The following PTK7 variants were observed in gnomAD, a reference collection of about 807,000 sequenced individuals.
PTK7 encodes protein tyrosine kinase 7 (inactive), also known as inactive tyrosine-protein kinase 7.
PTK7 carries 39 observed loss-of-function variants against 116.6 expected under a neutral mutation model. That is an observed-to-expected ratio of 0.33 (90% CI 0.26 to 0.44). The LOEUF (loss-of-function observed/expected upper bound fraction) is 0.44, where lower values mean the gene tolerates loss of function less well. Ranked by LOEUF, PTK7 falls within the 20% of genes least tolerant of loss-of-function variation. The pLI is 1.00. For synonymous variants in PTK7, 546 were observed against 563.6 expected, an observed-to-expected ratio of 0.97 and a Z score of 0.44; for missense variants, 1,169 against 1,425.6, an observed-to-expected ratio of 0.82 and a Z score of 2.90.
chr6:43,101,490 G>A (rs1187214690), intron 1 of PTK7, among the ~76,000 whole-genome samples: 1 of 151,044 alleles, frequency 6.6e-6, no homozygotes, highest in Admixed American at 6.6e-5. Context: ...AGGCAGAGCT[G>A]GCAGTGTGCT....
At chr6:43,151,728 G>A (rs1252981149) in intron 17 of PTK7, among the ~76,000 whole-genome samples, 1 of 147,720 alleles carries the variant, frequency 6.8e-6, no homozygotes, top group Non-Finnish European at 1.5e-5. Context: ...TAGTGGAGAC[G>A]GGGTTTGACC....
chr6:43,117,444 CAG>C (rs1233374458), intron 1 of PTK7, among the ~76,000 whole-genome samples: 1 of 152,096 alleles, frequency 6.6e-6, no homozygotes, highest in East Asian at 1.9e-4. Context: ...ATGTGGGTAA[CAG>C]GGAATTAATG....
At chr6:43,079,379 A>G (rs749159469) in intron 1 of PTK7, among the ~76,000 whole-genome samples, 1 of 151,866 alleles carries the variant, frequency 6.6e-6, no homozygotes, top group Non-Finnish European at 1.5e-5. Flanking sequence ...AGACAGGAGA[A>G]TGGCCTGAAC....
intron 1 of PTK7, among the ~76,000 whole-genome samples, chr6:43,118,867 C>T (rs894151104): frequency 6.7e-6 from 1 of 150,074 alleles, no homozygotes; most frequent in East Asian, 2.0e-4. Flanking sequence ...CTCCCGGGTT[C>T]AAGCCATCCT....
At chr6:43,097,376 TG>T (rs1276691889) in intron 1 of PTK7, among the ~76,000 whole-genome samples, 1 of 152,330 alleles carries the variant, frequency 6.6e-6, no homozygotes, top group Non-Finnish European at 1.5e-5. Flanking sequence ...CAAATATCCT[TG>T]TACCTGTCTT....
chr6:43,125,254 C>T (rs1164583446), intron 1 of PTK7, among the ~76,000 whole-genome samples: 1 of 152,236 alleles, frequency 6.6e-6, no homozygotes, highest in African/African-American at 2.4e-5. Flanking sequence ...GAGCTGACGT[C>T]AGGACAGAGG....
chr6:43,124,543 G>A (rs918263830), intron 1 of PTK7, among the ~76,000 whole-genome samples: 1 of 152,074 alleles, frequency 6.6e-6, no homozygotes, highest in African/African-American at 2.4e-5. Context: ...GGGCATGGTG[G>A]CACATGCTTG....
At chr6:43,125,205 A>G (rs1769217778) in intron 1 of PTK7, among the ~76,000 whole-genome samples, 1 of 152,312 alleles carries the variant, frequency 6.6e-6, no homozygotes, top group East Asian at 1.9e-4. Context: ...AGAAACATCT[A>G]AAGTCTGTCC....
chr6:43,087,955 G>A (rs1441375578), intron 1 of PTK7, among the ~76,000 whole-genome samples: 1 of 152,194 alleles, frequency 6.6e-6, no homozygotes, highest in African/African-American at 2.4e-5. Flanking sequence ...GACAGGGAAA[G>A]AAACTGAGGC....
intron 5 of PTK7, 195 bp from the exon 6 acceptor site, chr6:43,131,821 A>G: frequency 1.5e-6 from 1 of 685,548 alleles, no homozygotes; most frequent in Non-Finnish European, 2.5e-6. Context: ...GTTGGAACAC[A>G]CACCTGCACG....
At chr6:43,127,628 G>C (rs907518624) in intron 1 of PTK7, among the ~76,000 whole-genome samples, 2 of 152,152 alleles carry the variant, frequency 1.3e-5, no homozygotes, top group African/African-American at 4.8e-5. Context: ...GGATTTTCAG[G>C]GATAAAGAAC....
intron 7 of PTK7, among the ~76,000 whole-genome samples, chr6:43,135,673 C>T (rs895027037): frequency 7.9e-5 from 12 of 152,148 alleles, no homozygotes; most frequent in Admixed American, 1.3e-4. Flanking sequence ...GTTGAATAAA[C>T]GATGGTGAGA....
intron 1 of PTK7, among the ~76,000 whole-genome samples, chr6:43,123,890 T>A (rs1278244842): frequency 4.6e-5 from 7 of 152,152 alleles, no homozygotes; most frequent in Non-Finnish European, 7.4e-5. Flanking sequence ...CGTTAGCCCT[T>A]ACTCAGGTGG....
In PTK7 at chr6:43,076,965, C is replaced by A; in HGVS notation, c.79+398C>A. On this transcript the variant is annotated intron_variant, in intron 1 of 19. Coordinates refer to ENST00000230419, the MANE Select transcript of PTK7 (RefSeq NM_002821.5). The surrounding 1 kb of genome is among the most constrained non-coding windows in gnomAD (Gnocchi z 5.7). ...GATGGAGAAAAAGGAATTCCCCACC[C>A]CACCCGGCAGGGTCGGCCCAGGTAA... is the stretch of plus-strand genomic sequence containing the variant. 1.3e-6 allele frequency: 2 copies of A among 1,511,018 alleles called. No individual in the cohort carries two copies. Among genetic ancestry groups the A allele is most frequent in the South Asian group, 1.2e-5 (1 of 82,158 alleles). 93.6% of individuals were successfully genotyped at this position (1,511,018 alleles called of 1,614,324 possible). A position where few individuals can be genotyped will look rare whatever the true frequency, so the allele number is the denominator to read the frequency against.
chr6:43,093,094 T>A (rs559130057), intron 1 of PTK7, among the ~76,000 whole-genome samples: 2 of 151,918 alleles, frequency 1.3e-5, no homozygotes, highest in South Asian at 4.2e-4. Context: ...AGGCAAGAGA[T>A]GTTTACAAGA....
intron 1 of PTK7, among the ~76,000 whole-genome samples, chr6:43,116,651 T>TGTGCGCGCGCGCGCGCGC (rs1323606377): frequency 1.6e-4 from 12 of 77,204 alleles, no homozygotes; most frequent in African/African-American, 7.8e-4. Flanking sequence ...TGTGTGTGTG[T>TGTGCGCGCGCGCGCGCGC]GCGCGCGCAC....
chr6:43,096,224 C>T (rs1220398160), intron 1 of PTK7, among the ~76,000 whole-genome samples: 2 of 152,162 alleles, frequency 1.3e-5, no homozygotes, highest in Non-Finnish European at 2.9e-5. Context: ...AAGAAATCCC[C>T]CTGAGCCTCA....
chr6:43,133,020 TG>T (rs35339092), intron 7 of PTK7: 1 of 475,630 alleles, frequency 2.1e-6, no homozygotes, highest in Admixed American at 3.6e-5. Context: ...CCCACCTTAC[TG>T]GGGTTCAGTC....
In PTK7 at chr6:43,144,437, C is replaced by T. The variant is rs1200648259; in HGVS notation, c.2252-14C>T. The T allele has an allele frequency of 1.2e-6, 2 of 1,613,966 alleles. No homozygotes were observed. The highest frequency in any genetic ancestry group is 1.7e-6 in the Non-Finnish European group (2 of 1,180,012). The stretch of plus-strand genomic sequence containing the variant: ...CAGGTCTCATCGTGACGCTCTTGTC[C>T]TCCTCCTTCCCAGGTGGGCCTTTGC... On this transcript the variant is annotated splice_polypyrimidine_tract_variant and intron_variant, in intron 14 of 19. Transcript: ENST00000230419.
Sources: allele counts gnomAD v4.1 joint callset (sites outside exome capture counted in the v4.1 genomes callset), GRCh38; gene constraint gnomAD v4.1.1; non-coding constraint Gnocchi (gnomAD v3.1); transcripts MANE v1.5; gene names NCBI Gene and HGNC (gene_info 2026-07-23, HGNC 2026-07-21).